ACCSL: variants seen among roughly 807,000 people sequenced by gnomAD.
ACCSL encodes 1-aminocyclopropane-1-carboxylate synthase homolog (inactive) like.
Under a neutral mutation model 61.7 loss-of-function variants are expected in ACCSL, and 55 were observed. The observed-to-expected ratio is 0.89, with a 90% confidence interval of 0.72 to 1.12. The LOEUF (loss-of-function observed/expected upper bound fraction) is 1.12, where lower values mean the gene tolerates loss of function less well. Among genes scored for constraint, ACCSL ranks in the 50% most tolerant of loss-of-function variants. The probability of loss-of-function intolerance (pLI) is 0.00; values close to 1 mark genes in which losing one functional copy is unlikely to be tolerated. For missense variants in ACCSL, 632 were observed against 698.0 expected, an observed-to-expected ratio of 0.91 and a Z score of 1.07; for synonymous variants, 258 against 264.3, an observed-to-expected ratio of 0.98 and a Z score of 0.23.
chr11:44,007,216 G>A, the ACCSL span, among the ~76,000 whole-genome samples: 6 of 152,250 alleles, frequency 3.9e-5, no homozygotes, highest in South Asian at 4.2e-4. Context: ...GGGAGGCCCC[G>A]GGAATGTCAC....
the ACCSL span, among the ~76,000 whole-genome samples, chr11:43,971,721 C>G: frequency 5.5e-3 from 842 of 152,290 alleles, 5 homozygotes; most frequent in Admixed American, 7.3e-3. Context: ...GGTCCTGTCC[C>G]CCGAATTGTC....
chr11:44,008,317 G>A, the ACCSL span, among the ~76,000 whole-genome samples: 19 of 152,208 alleles, frequency 1.2e-4, no homozygotes, highest in African/African-American at 4.6e-4. Flanking sequence ...ATTGCAGAAA[G>A]CTAAGAGAGG....
chr11:44,054,928 C>T (rs1022853903), intron 8 of ACCSL, among the ~76,000 whole-genome samples: 1 of 152,098 alleles, frequency 6.6e-6, no homozygotes, highest in African/African-American at 2.4e-5. Context: ...TAAGGTTAGA[C>T]AAGATGTTCT....
chr11:44,016,775 G>A, the ACCSL span, among the ~76,000 whole-genome samples: 1 of 152,176 alleles, frequency 6.6e-6, no homozygotes, highest in African/African-American at 2.4e-5. Flanking sequence ...TTTGGGAGAA[G>A]CAGCCGAGTA....
chr11:43,995,567 C>A, the ACCSL span: 1 of 152,406 alleles, frequency 6.6e-6, no homozygotes, highest in Middle Eastern at 3.4e-3. Flanking sequence ...TCCTAGGGAA[C>A]CTGGCCTGAG....
At chr11:43,928,171 G>C in the ACCSL span, among the ~76,000 whole-genome samples, 31,585 of 152,072 alleles carry the variant, frequency 0.21, 3,333 homozygotes, top group South Asian at 0.25. Context: ...GGGAGACGGT[G>C]GGGGAGGAAG....
the ACCSL span, among the ~76,000 whole-genome samples, chr11:43,967,551 A>G: frequency 6.6e-6 from 1 of 151,886 alleles, no homozygotes; most frequent in Non-Finnish European, 1.5e-5. Context: ...TTTGTTTTAT[A>G]TCCATTTTTT....
chr11:44,051,747 T>A, intron 5 of ACCSL, 28 bp downstream of exon 5: 1 of 1,610,728 alleles, frequency 6.2e-7, no homozygotes, highest in East Asian at 2.2e-5. Flanking sequence ...CCTTTCACTC[T>A]CAGTGAAATA....
the ACCSL span, among the ~76,000 whole-genome samples, chr11:43,978,753 T>C: frequency 3.4e-5 from 5 of 145,124 alleles, no homozygotes; most frequent in African/African-American, 1.3e-4. Context: ...CCCAGTGAAA[T>C]AGAATTTCCT....
chr11:44,015,753 C>T, the ACCSL span, among the ~76,000 whole-genome samples: 9 of 152,168 alleles, frequency 5.9e-5, no homozygotes, highest in Admixed American at 5.9e-4. Flanking sequence ...GCCTGGGCTG[C>T]GTCATCAGAT....
chr11:44,029,969 T>TTTTTATTGTA, the ACCSL span, among the ~76,000 whole-genome samples: 1 of 94,520 alleles, frequency 1.1e-5, no homozygotes, highest in South Asian at 3.9e-4. Context: ...CTGGGCCTTG[T>TTTTTATTGTA]TTTTATTTTA....
At chr11:44,020,559 C>T in the ACCSL span, among the ~76,000 whole-genome samples, 2,603 of 152,040 alleles carry the variant, frequency 0.017, 37 homozygotes, top group Middle Eastern at 0.034. Flanking sequence ...ATGTTTTTCC[C>T]GTGCCTATGA....
chr11:43,974,628 T>G, the ACCSL span, among the ~76,000 whole-genome samples: 3 of 152,346 alleles, frequency 2.0e-5, no homozygotes, highest in Admixed American at 6.5e-5. Flanking sequence ...GATCCCTGCA[T>G]GCTGAAATTC....
At chr11:43,925,730 T>C in the ACCSL span, among the ~76,000 whole-genome samples, 5 of 152,196 alleles carry the variant, frequency 3.3e-5, no homozygotes, top group Admixed American at 6.5e-5. Context: ...TAGGCTTCAG[T>C]CAGGTGGACC....
chr11:43,956,602 G>T, the ACCSL span, among the ~76,000 whole-genome samples: 5 of 152,250 alleles, frequency 3.3e-5, no homozygotes, highest in South Asian at 1.0e-3. Flanking sequence ...TGTATTTTCA[G>T]TAGAGACAGG....
chr11:43,953,340 G>A, the ACCSL span, among the ~76,000 whole-genome samples: 1 of 151,996 alleles, frequency 6.6e-6, no homozygotes, highest in Non-Finnish European at 1.5e-5. Context: ...AGACCAGCAT[G>A]GTGAAACCCC....
chr11:43,938,594 A>G, the ACCSL span, among the ~76,000 whole-genome samples: 1 of 152,116 alleles, frequency 6.6e-6, no homozygotes, highest in African/African-American at 2.4e-5. Flanking sequence ...ACCTGAGGTC[A>G]GGAGTTTGAG....
At chr11:44,037,365 G>A in the ACCSL span, among the ~76,000 whole-genome samples, 7 of 152,186 alleles carry the variant, frequency 4.6e-5, no homozygotes, top group Non-Finnish European at 8.8e-5. Flanking sequence ...AGCCACCAGC[G>A]GTTGCAGTGG....
chr11:43,929,033 T>G, the ACCSL span, among the ~76,000 whole-genome samples: 1 of 152,216 alleles, frequency 6.6e-6, no homozygotes, highest in Non-Finnish European at 1.5e-5. Context: ...TGGTTCTAGT[T>G]CCAGCTCCTC....
Sources: allele counts gnomAD v4.1 joint callset (sites outside exome capture counted in the v4.1 genomes callset), GRCh38; gene constraint gnomAD v4.1.1; transcripts MANE v1.5; gene names NCBI Gene and HGNC (gene_info 2026-07-23, HGNC 2026-07-21).